PCDHGA3: variants seen among roughly 807,000 people sequenced by gnomAD.
The protein encoded by PCDHGA3 is protocadherin gamma-A3.
PCDHGA3 carries 40 observed loss-of-function variants against 58.5 expected under a neutral mutation model. That is an observed-to-expected ratio of 0.68 (90% confidence interval 0.53 to 0.89). PCDHGA3 has a LOEUF of 0.89. Among genes scored for constraint, PCDHGA3 ranks in the 40% least tolerant of loss-of-function variants. PCDHGA3 has a pLI of 0.00. For missense variants in PCDHGA3, 1,223 were observed against 1,195.9 expected (o/e 1.02, Z -0.33); for synonymous variants, 530 against 525.7 (o/e 1.01, Z -0.11).
At chr5:141,372,053 C>G in intron 1 of PCDHGA3, 1 of 1,613,498 alleles carries the variant, frequency 6.2e-7, no homozygotes, top group South Asian at 1.1e-5. Flanking sequence ...TGTTGGTGGA[C>G]GACCGCAACG....
rs750571929 is a variant in PCDHGA3 at position 141,357,479 on chromosome 5, C to T, written c.2424+11022C>T. ...ACCTATTCCCACGAGGTCTCCCTCA[C>T]CGCGGACTCGCGGAAGAGTCACCTG... On this transcript the variant is annotated intron_variant, in intron 1 of 3. Coordinates refer to ENST00000253812, the MANE Select transcript of PCDHGA3 (RefSeq NM_018916.4). The T allele has an allele frequency of 5.6e-6, 9 of 1,614,132 alleles. No homozygotes were observed. Among genetic ancestry groups the T allele is most frequent in the South Asian group, 1.1e-5 (1 of 91,094 alleles).
At chr5:141,383,767 A>G (rs1779455066) in intron 1 of PCDHGA3, 2 of 1,613,886 alleles carry the variant, frequency 1.2e-6, no homozygotes, top group South Asian at 2.2e-5. Flanking sequence ...TAAACTTCCA[A>G]AGATGTTTCA....
At chr5:141,360,167 T>C in intron 1 of PCDHGA3, 1 of 1,607,632 alleles carries the variant, frequency 6.2e-7, no homozygotes, top group East Asian at 2.2e-5. Flanking sequence ...TGCGGGCTGG[T>C]GCGGTGGCTG....
chr5:141,424,786 T>G (rs1219509852), intron 1 of PCDHGA3: 1 of 152,210 alleles, frequency 6.6e-6, no homozygotes, highest in Non-Finnish European at 1.5e-5. Flanking sequence ...ATTCAGTTCT[T>G]TTATTCAGAC....
chr5:141,414,690 G>A (rs377704657), intron 1 of PCDHGA3: 53 of 1,613,888 alleles, frequency 3.3e-5, no homozygotes, highest in Middle Eastern at 1.6e-4. Flanking sequence ...GGGTACCTCT[G>A]TCCTCATACA....
chr5:141,370,269 G>A (rs1185604406), intron 1 of PCDHGA3: 1 of 783,942 alleles, frequency 1.3e-6, no homozygotes, highest in Admixed American at 3.1e-5. Flanking sequence ...TCCTGCAGCG[G>A]AGACACCCAT....
Position 141,345,566 on chromosome 5 carries a change from T to A in PCDHGA3, c.1533T>A (p.Thr511=). ...CCTTCGTCTCTATCAACTCCAACAC[T>A]GGCGTCCTATACGCGCTGAGATCCT... ...LSSFVSINSN[T]GVLYALRSFD... Residue 511 remains threonine (T), a synonymous_variant, in exon 1 of 4, where the codon ACT becomes ACA. Transcript: ENST00000253812. The A allele has an allele frequency of 6.2e-7, 1 of 1,614,182 alleles. No individual in the cohort carries two copies. Among genetic ancestry groups the A allele is most frequent in the Non-Finnish European group, 8.5e-7 (1 of 1,180,030 alleles).
chr5:141,398,317 C>G (rs1364315924), intron 1 of PCDHGA3: 1 of 1,349,834 alleles, frequency 7.4e-7, no homozygotes, highest in Non-Finnish European at 1.0e-6. Flanking sequence ...GTTACCGACT[C>G]GAAAACTGCG....
chr5:141,430,889 A>G, intron 1 of PCDHGA3: 1 of 1,605,270 alleles, frequency 6.2e-7, no homozygotes, highest in African/African-American at 1.3e-5. Flanking sequence ...GAAAGGCTCT[A>G]GGGTGGGCGA....
At chr5:141,365,533 C>T (rs772815348) in intron 1 of PCDHGA3, 21 of 1,613,642 alleles carry the variant, frequency 1.3e-5, no homozygotes, top group Non-Finnish European at 1.8e-5. Flanking sequence ...TTGATAATTA[C>T]TATCACCTAT....
chr5:141,490,467 C>T lies in PCDHGA3; in HGVS notation c.2425-4340C>T. ...AGAACCACTACTCGCTGCTAACCAG[C>T]CAGCCTTTGGACCGGGAGGCCACAT... is the stretch of plus-strand genomic sequence containing the variant. On this transcript the variant is annotated intron_variant, in intron 1 of 3. Transcript: ENST00000253812. This position sits in a 1 kb window ranked among gnomAD's most constrained non-coding sequence, Gnocchi z 5.4. The T allele has an allele frequency of 6.2e-7, 1 of 1,614,216 alleles. No individual in the cohort carries two copies. The highest frequency in any genetic ancestry group is 8.5e-7 in the Non-Finnish European group (1 of 1,180,040).
rs777845958 is a variant in PCDHGA3 at position 141,345,661 on chromosome 5, G to A, written c.1628G>A (p.Ser543Asn). Residue 543 changes from serine (S) to asparagine (N), a missense_variant, in exon 1 of 4, where the codon AGC becomes AAC. Physicochemically the swap from Ser to Asn is conservative, Grantham distance 46. Around this residue, in one of 3 missense-constraint regions of PCDHGA3, gnomAD observed 791 missense variants for 708.5 expected, o/e 1.12. Transcript: ENST00000253812. ...TASDSGNPPL[S>N]SNVSLNLFVL... ...AGCGACAGCGGGAACCCTCCACTCA[G>A]CAGCAACGTGTCGCTGAACCTGTTC... 8.7e-6 allele frequency: 14 copies of A among 1,614,100 alleles called. No individual in the cohort carries two copies. The highest frequency in any genetic ancestry group is 1.2e-5 in the Non-Finnish European group (14 of 1,180,056).
chr5:141,374,993 TC>T, intron 1 of PCDHGA3: 1 of 1,614,056 alleles, frequency 6.2e-7, no homozygotes, highest in Non-Finnish European at 8.5e-7. Context: ...AATTTCAACT[TC>T]TGCAAATCTA....
chr5:141,447,851 C>T (rs961725006), intron 1 of PCDHGA3, among the ~76,000 whole-genome samples: 1 of 151,980 alleles, frequency 6.6e-6, no homozygotes, highest in East Asian at 1.9e-4. Flanking sequence ...TTTGGGAGGC[C>T]GAGGTGGGTG....
At chr5:141,465,812 T>A (rs533291720) in intron 1 of PCDHGA3, among the ~76,000 whole-genome samples, 1 of 152,082 alleles carries the variant, frequency 6.6e-6, no homozygotes, top group South Asian at 2.1e-4. Flanking sequence ...TTCAGGATCT[T>A]GATCACATTT....
intron 1 of PCDHGA3, chr5:141,398,925 C>G (rs766149685): frequency 1.1e-5 from 17 of 1,613,966 alleles, no homozygotes; most frequent in Non-Finnish European, 1.4e-5. Flanking sequence ...AAGTGTCAGC[C>G]ACTGACCAAG....
At chr5:141,478,338 C>T in intron 1 of PCDHGA3, 2 of 1,613,936 alleles carry the variant, frequency 1.2e-6, no homozygotes, top group South Asian at 1.1e-5. Flanking sequence ...CCAGGGCCCT[C>T]CTTGCACGCG....
At chr5:141,394,739 C>G (rs377359689) in intron 1 of PCDHGA3, 1 of 1,613,390 alleles carries the variant, frequency 6.2e-7, no homozygotes, top group Non-Finnish European at 8.5e-7. Context: ...AGCAGAGCCT[C>G]GTGGTGGCCG....
At chr5:141,387,791 A>T in intron 1 of PCDHGA3, 1 of 1,492,120 alleles carries the variant, frequency 6.7e-7, no homozygotes, top group Non-Finnish European at 8.9e-7. Context: ...AACTGCAACT[A>T]AAGTCCGTTC....
Sources: gnomAD v4.1 joint callset for allele counts (sites outside exome capture counted in the v4.1 genomes callset) on GRCh38, gnomAD v4.1.1 for gene constraint, gnomAD v4.1.1 regional missense constraint, Gnocchi (gnomAD v3.1) non-coding constraint, MANE v1.5 for transcripts, NCBI Gene and HGNC (gene_info 2026-07-23, HGNC 2026-07-21) for gene names.